SCRT2: variants seen among roughly 807,000 people sequenced by gnomAD.
SCRT2 encodes the protein transcriptional repressor scratch 2.
Under a neutral mutation model 3.7 loss-of-function variants are expected in SCRT2, and 2 were observed. The ratio of observed to expected loss-of-function variants is 0.54; its 90% CI spans 0.22 to 1.70. The LOEUF is 1.70. SCRT2 is among the 40% of genes most tolerant of loss of function. The pLI, the probability that SCRT2 is intolerant of heterozygous loss-of-function variation, is 0.19. For missense variants in SCRT2, 456 were observed against 468.5 expected, an observed-to-expected ratio of 0.97 and a Z score of 0.25; for synonymous variants, 256 against 220.6, an observed-to-expected ratio of 1.16 and a Z score of -1.42.
chr20:671,659 C>A (rs1223897039), intron 1 of SCRT2, among the ~76,000 whole-genome samples: 2 of 152,120 alleles, frequency 1.3e-5, no homozygotes, highest in Non-Finnish European at 2.9e-5. Context: ...AGGAAGTGGG[C>A]GCTGGTTTAA....
rs1984149354 is a variant in SCRT2, at chr20:666,165, T to A, written c.134-1704A>T. Among the ~76,000 whole-genome samples, 1 of 152,144 alleles carries A rather than the reference T, an allele frequency of 6.6e-6. No homozygotes were observed. Among genetic ancestry groups the A allele is most frequent in the African/African-American group, 2.4e-5 (1 of 41,420 alleles). ...TGGATGACTCGGAAGCGGGGGGCTC[T>A]GTGGTTGGATGTAAAGGGGGATAGT... is the stretch of plus-strand genomic sequence containing the variant. On this transcript the variant is annotated intron_variant, in intron 1 of 1. Coordinates refer to ENST00000246104, the MANE Select transcript of SCRT2 (RefSeq NM_033129.4). This position sits in a 1 kb window ranked among gnomAD's most constrained non-coding sequence, Gnocchi z 4.4.
At position 666,155 on chromosome 20, in the gene SCRT2, C is replaced by CG. The variant is rs1984147589; in HGVS notation, c.134-1695dup. Among the ~76,000 whole-genome samples the CG allele has an allele frequency of 6.6e-6, 1 of 152,116 alleles. No individual in the cohort carries two copies. On this transcript the variant is annotated intron_variant, in intron 1 of 1. Coordinates refer to ENST00000246104, the MANE Select transcript of SCRT2 (RefSeq NM_033129.4). The surrounding 1 kb of genome is among the most constrained non-coding windows in gnomAD (Gnocchi z 4.4). ...ATTATGGAAGTGGATGACTCGGAAG[C>CG]GGGGGGCTCTGTGGTTGGATGTAAA...
At chr20:673,266 C>T (rs1017653186) in intron 1 of SCRT2, among the ~76,000 whole-genome samples, 5 of 152,384 alleles carry the variant, frequency 3.3e-5, no homozygotes, top group African/African-American at 9.6e-5. Context: ...ACAGTGGCCT[C>T]CCAGCATCCT....
chr20:671,942 A>T (rs1482166746), intron 1 of SCRT2, among the ~76,000 whole-genome samples: 1 of 152,034 alleles, frequency 6.6e-6, no homozygotes, highest in Non-Finnish European at 1.5e-5. Context: ...GCCCACAGAG[A>T]CCACTGACAT....
chr20:664,379 C>A lies in SCRT2; in HGVS notation c.216G>T (p.Ala72=). Residue 72 remains alanine, a synonymous_variant, in exon 2 of 2, where the codon GCG becomes GCT. Transcript: ENST00000246104. The surrounding 1 kb of genome is among the most constrained non-coding windows in gnomAD (Gnocchi z 7.9). ...PGLELAPAEP[A]YPPAAPEEYS... is the part of the protein sequence containing the mutation. ...ACTCCTCCGGCGCCGCCGGCGGGTA[C>A]GCGGGCTCGGCCGGGGCCAGCTCCA... 1 of 1,426,146 alleles carries A rather than the reference C, an allele frequency of 7.0e-7. No homozygotes were observed. Among genetic ancestry groups the A allele is most frequent in the Non-Finnish European group, 9.3e-7 (1 of 1,076,752 alleles). 88.3% of individuals were successfully genotyped at this position (1,426,146 alleles called of 1,614,324 possible). A position where few individuals can be genotyped will look rare whatever the true frequency, so the allele number is the denominator to read the frequency against.
In SCRT2 at chr20:665,448, T is replaced by G. The variant is rs117659068; in HGVS notation, c.134-987A>C. 1.3e-5 allele frequency among the ~76,000 whole-genome samples: 2 copies of G among 152,312 alleles called. No homozygotes were observed. Among genetic ancestry groups the G allele is most frequent in the East Asian group, 3.9e-4 (2 of 5,190 alleles). On this transcript the variant is annotated intron_variant, in intron 1 of 1. Transcript: ENST00000246104. The surrounding 1 kb of genome is among the most constrained non-coding windows in gnomAD (Gnocchi z 5.0). ...AGCCTGCTCTAGAAGTCGTCGGAAG[T>G]CCGCAGTGAGAATTCCCCTCCCCCT...
chr20:673,782 G>T (rs1354802672), intron 1 of SCRT2, among the ~76,000 whole-genome samples: 1 of 152,186 alleles, frequency 6.6e-6, no homozygotes, highest in East Asian at 1.9e-4. Flanking sequence ...GGCTTCTCTG[G>T]GTTTCCTCAG....
Position 663,627 on chromosome 20 carries a change from G to A in SCRT2, c.*44C>T, listed in dbSNP as rs1442453810. The A allele has an allele frequency of 7.4e-7, 1 of 1,342,544 alleles. No homozygotes were observed. 83.2% of individuals were successfully genotyped at this position (1,342,544 alleles called of 1,614,324 possible). A position where few individuals can be genotyped will look rare whatever the true frequency, so the allele number is the denominator to read the frequency against. On this transcript the variant is annotated 3_prime_UTR_variant, in exon 2 of 2. Coordinates refer to ENST00000246104, the MANE Select transcript of SCRT2 (RefSeq NM_033129.4). This position sits in a 1 kb window ranked among gnomAD's most constrained non-coding sequence, Gnocchi z 6.9. The stretch of plus-strand genomic sequence containing the variant: ...TGCGGGCGCAGGTAGGGGGCCCGGG[G>A]CGCGTGGAGAGCGAGTTCCGGGCGC...
rs779066915 is a variant in SCRT2 at position 666,039 on chromosome 20, T to A, written c.134-1578A>T. Among the ~76,000 whole-genome samples the A allele has an allele frequency of 6.6e-6, 1 of 152,208 alleles. No individual in the cohort carries two copies. Reference sequence around the variant, plus strand: ...TGGGATGGACACAGGGTGAAGTCTGTGTGCCCCTGAAGGCAAGGGTGTGCC... The same window carrying A: ...TGGGATGGACACAGGGTGAAGTCTGAGTGCCCCTGAAGGCAAGGGTGTGCC... On this transcript the variant is annotated intron_variant, in intron 1 of 1. Transcript: ENST00000246104. The surrounding 1 kb of genome is among the most constrained non-coding windows in gnomAD (Gnocchi z 4.4).
Position 668,585 on chromosome 20 carries a change from T to C in SCRT2, c.134-4124A>G, listed in dbSNP as rs551476397. Among the ~76,000 whole-genome samples, 3 of 152,204 alleles carry C rather than the reference T, an allele frequency of 2.0e-5. No homozygotes were observed. In the East Asian group the frequency reaches 5.8e-4, roughly 29 times the overall value. ...AACTTATCTGGGCTCAAATCCTCCATTTGAGGAATGTGGACCAGAGGCACC... is the reference window on the plus strand; with the variant it reads ...AACTTATCTGGGCTCAAATCCTCCACTTGAGGAATGTGGACCAGAGGCACC... On this transcript the variant is annotated intron_variant, in intron 1 of 1. Coordinates refer to ENST00000246104, the MANE Select transcript of SCRT2 (RefSeq NM_033129.4).
chr20:675,357 C>G lies in SCRT2; in HGVS notation c.133+112G>C. 1 of 935,346 alleles carries G rather than the reference C, an allele frequency of 1.1e-6. No homozygotes were observed. Among genetic ancestry groups the G allele is most frequent in the South Asian group, 4.7e-5 (1 of 21,378 alleles). 57.9% of individuals were successfully genotyped at this position (935,346 alleles called of 1,614,324 possible). A position where few individuals can be genotyped will look rare whatever the true frequency, so the allele number is the denominator to read the frequency against. On this transcript the variant is annotated intron_variant, in intron 1 of 1. Coordinates refer to ENST00000246104, the MANE Select transcript of SCRT2 (RefSeq NM_033129.4). This position sits in a 1 kb window ranked among gnomAD's most constrained non-coding sequence, Gnocchi z 6.9. Reference sequence around the variant, plus strand: ...GAGGAGCCCACGGCCAGAGAGATCTCCTCCCGGGGGTTTCCTGTCGCACGC... The same window carrying G: ...GAGGAGCCCACGGCCAGAGAGATCTGCTCCCGGGGGTTTCCTGTCGCACGC...
intron 1 of SCRT2, among the ~76,000 whole-genome samples, chr20:671,607 C>T (rs1020961516): frequency 6.6e-6 from 1 of 152,172 alleles, no homozygotes; most frequent in African/African-American, 2.4e-5. Context: ...GGCTCCCGGG[C>T]TTGGCCTGGA....
chr20:665,051 A>C lies in SCRT2; in HGVS notation c.134-590T>G, dbSNP rs1189520882. On this transcript the variant is annotated intron_variant, in intron 1 of 1. Transcript: ENST00000246104. The surrounding 1 kb of genome is among the most constrained non-coding windows in gnomAD (Gnocchi z 5.0). ...TTGCCAGACTCTGCCTCGGTGCTTT[A>C]CGCATGTTAACTCTAATCGTCACAG... Among the ~76,000 whole-genome samples, 1 of 152,208 alleles carries C rather than the reference A, an allele frequency of 6.6e-6. No homozygotes were observed. The highest frequency in any genetic ancestry group is 2.4e-5 in the African/African-American group (1 of 41,438).
Position 664,029 on chromosome 20 carries a change from G to C in SCRT2, c.566C>G (p.Pro189Arg). The C allele has an allele frequency of 6.2e-7, 1 of 1,612,002 alleles. No homozygotes were observed. The highest frequency in any genetic ancestry group is 8.5e-7 in the Non-Finnish European group (1 of 1,179,606). The change falls in exon 2 of 2, where the codon CCG becomes CGG. Residue 189 changes from proline to arginine, a missense_variant. Physicochemically the swap from Pro to Arg is moderately radical, Grantham distance 103. Coordinates refer to ENST00000246104, the MANE Select transcript of SCRT2 (RefSeq NM_033129.4). This position sits in a 1 kb window ranked among gnomAD's most constrained non-coding sequence, Gnocchi z 7.9. Reference sequence around the variant, plus strand: ...GGACACGTAGGCCTTGCCGCACGTCGGGCATTTGCGCGCCAGCTGGCTGTC... The same window carrying C: ...GGACACGTAGGCCTTGCCGCACGTCCGGCATTTGCGCGCCAGCTGGCTGTC... ...SLDSQLARKC[P>R]TCGKAYVSMP...
Position 661,728 on chromosome 20 carries a change from T to G in SCRT2, c.*1943A>C, listed in dbSNP as rs1983955881. On this transcript the variant is annotated 3_prime_UTR_variant, in exon 2 of 2. Transcript: ENST00000246104. ...GAGCGCCAAGCGCTCATACAAAATATGGCCAAAAGGCTTAGCATGCATGGA... is the reference window on the plus strand; with the variant it reads ...GAGCGCCAAGCGCTCATACAAAATAGGGCCAAAAGGCTTAGCATGCATGGA... 1 of 152,690 alleles carries G rather than the reference T, an allele frequency of 6.5e-6. No individual in the cohort carries two copies. 9.5% of individuals were successfully genotyped at this position (152,690 alleles called of 1,614,324 possible). A position where few individuals can be genotyped will look rare whatever the true frequency, so the allele number is the denominator to read the frequency against.
chr20:674,142 T>G (rs1371873247), intron 1 of SCRT2, among the ~76,000 whole-genome samples: 4 of 152,060 alleles, frequency 2.6e-5, no homozygotes, highest in Non-Finnish European at 4.4e-5. Context: ...CCCTGATCAC[T>G]CTGTAACTTC....
chr20:669,953 A>G (rs559671236), intron 1 of SCRT2, among the ~76,000 whole-genome samples: 4 of 152,300 alleles, frequency 2.6e-5, no homozygotes, highest in Admixed American at 2.0e-4. Flanking sequence ...GTCTGGCCCA[A>G]CATGACCAAC....
chr20:669,627 A>T (rs8124236), intron 1 of SCRT2, among the ~76,000 whole-genome samples: 1 of 152,136 alleles, frequency 6.6e-6, no homozygotes, highest in South Asian at 2.1e-4. Context: ...GGGCTGGAGG[A>T]GCTGCTGTAT....
chr20:662,071 G>A lies in SCRT2; in HGVS notation c.*1600C>T, dbSNP rs571590313. On this transcript the variant is annotated 3_prime_UTR_variant, in exon 2 of 2. Coordinates refer to ENST00000246104, the MANE Select transcript of SCRT2 (RefSeq NM_033129.4). ...GGGGGCCAGGGCCCGTGCGCGTGGA[G>A]GTGTGTGCTTCGGTCCTCGCCCGGG... is the stretch of plus-strand genomic sequence containing the variant. 1.6e-4 allele frequency: 24 copies of A among 152,966 alleles called. No individual in the cohort carries two copies. Among genetic ancestry groups the A allele is most frequent in the African/African-American group, 5.8e-4 (24 of 41,594 alleles). The allele number at this position is 152,966 out of a possible 1,614,324, so 9.5% of individuals were successfully genotyped here.
Sources: gnomAD v4.1 joint callset for allele counts (sites outside exome capture counted in the v4.1 genomes callset) on GRCh38, gnomAD v4.1.1 for gene constraint, Gnocchi (gnomAD v3.1) non-coding constraint, MANE v1.5 for transcripts, NCBI Gene and HGNC (gene_info 2026-07-23, HGNC 2026-07-21) for gene names.